Variants in DSCAM observed in about 807,000 individuals in gnomAD.
DSCAM encodes the protein cell adhesion molecule DSCAM.
A neutral mutation model predicts 217.7 loss-of-function variants in DSCAM; 47 were observed. That is an observed-to-expected ratio of 0.22 (90% CI 0.17 to 0.28). The LOEUF is 0.28. Ranked by LOEUF, DSCAM falls within the 10% of genes least tolerant of loss-of-function variation. DSCAM has a pLI of 1.00. For missense variants in DSCAM, 2,080 were observed against 2,618.3 expected (o/e 0.79, Z 4.49); for synonymous variants, 1,056 against 1,015.3 (o/e 1.04, Z -0.76).
intron 3 of DSCAM, among the ~76,000 whole-genome samples, chr21:40,472,015 T>C (rs1405854384): frequency 6.6e-6 from 1 of 152,134 alleles, no homozygotes; most frequent in Non-Finnish European, 1.5e-5. Context: ...CATTGTTCAA[T>C]TCCCACCTAT....
At chr21:40,178,181 C>T (rs2090753612) in intron 15 of DSCAM, among the ~76,000 whole-genome samples, 1 of 152,008 alleles carries the variant, frequency 6.6e-6, no homozygotes, top group South Asian at 2.1e-4. Flanking sequence ...TCTCTGCACA[C>T]CTGTTAATTT....
In DSCAM at chr21:40,295,175, G is replaced by C. The variant is rs71318517; in HGVS notation, c.2182+880C>G. ...AATTAAACCTAGATACTAGGTCTTAGGTTATTGGAAAAAAAAAAAGGTCAT... is the reference window on the plus strand; with the variant it reads ...AATTAAACCTAGATACTAGGTCTTACGTTATTGGAAAAAAAAAAAGGTCAT... On this transcript the variant is annotated intron_variant, in intron 10 of 32. Transcript: ENST00000400454. Among the ~76,000 whole-genome samples the C allele has an allele frequency of 7.3e-5, 11 of 151,640 alleles. No individual in the cohort carries two copies. The East Asian group carries it at 2.0e-3, about 27-fold the overall frequency.
intron 3 of DSCAM, among the ~76,000 whole-genome samples, chr21:40,551,864 G>C (rs8133864): frequency 0.58 from 87,945 of 151,986 alleles, 25,661 homozygotes; most frequent in East Asian, 0.67. Context: ...GATGGCCTCT[G>C]TTCCTGTCAT....
rs2088049303 is a variant in DSCAM at position 40,011,061 on chromosome 21, A to G, written c.*1973T>C. 1 of 152,146 alleles carries G rather than the reference A, an allele frequency of 6.6e-6. No homozygotes were observed. Among genetic ancestry groups the G allele is most frequent in the Non-Finnish European group, 1.5e-5 (1 of 68,022 alleles). The allele number at this position is 152,146 out of a possible 1,614,324, so 9.4% of individuals were successfully genotyped here. ...AAAAATGTTAAAAAGGTAAACTTCT[A>G]TGTTTGGGGGATATAGAAGTTTTAG... On this transcript the variant is annotated 3_prime_UTR_variant, in exon 33 of 33. Coordinates refer to ENST00000400454, the MANE Select transcript of DSCAM (RefSeq NM_001389.5).
intron 3 of DSCAM, among the ~76,000 whole-genome samples, chr21:40,528,543 T>A (rs1161690265): frequency 2.0e-5 from 3 of 152,206 alleles, no homozygotes; most frequent in Admixed American, 2.0e-4. Flanking sequence ...GAGCCAAGAA[T>A]TTCTTCTACT....
intron 3 of DSCAM, among the ~76,000 whole-genome samples, chr21:40,501,918 C>G (rs1199622890): frequency 6.6e-6 from 1 of 152,170 alleles, no homozygotes; most frequent in Non-Finnish European, 1.5e-5. Flanking sequence ...TTCTTTCCGG[C>G]TGCAGTGATT....
intron 24 of DSCAM, among the ~76,000 whole-genome samples, chr21:40,082,193 G>T (rs1222954928): frequency 6.6e-6 from 1 of 152,172 alleles, no homozygotes; most frequent in Non-Finnish European, 1.5e-5. Context: ...AGGTGTGGTG[G>T]CTCAGGACTG....
chr21:40,568,907 G>A (rs1421919366), intron 3 of DSCAM, among the ~76,000 whole-genome samples: 2 of 152,144 alleles, frequency 1.3e-5, no homozygotes, highest in African/African-American at 4.8e-5. Context: ...TCTTCCCTTG[G>A]CAGCAGGGCC....
At chr21:40,548,233 T>C (rs1172338543) in intron 3 of DSCAM, among the ~76,000 whole-genome samples, 2 of 152,228 alleles carry the variant, frequency 1.3e-5, no homozygotes, top group African/African-American at 4.8e-5. Flanking sequence ...GGCGAGTGTA[T>C]TACTATTTAA....
intron 32 of DSCAM, among the ~76,000 whole-genome samples, chr21:40,039,582 A>AGAGT (rs1374652233): frequency 6.6e-6 from 1 of 152,200 alleles, no homozygotes; most frequent in East Asian, 1.9e-4. Flanking sequence ...GTATAGAGAG[A>AGAGT]GAGTTTTAAG....
rs750993445 is a variant in DSCAM, at chr21:40,075,168, C to T, written c.4757G>A (p.Gly1586Glu). Reference sequence around the variant, plus strand: ...CTTGAGCCCCTCGTTGGTCGTCAGCCCTTCTTCGTTTTGGACAACTGACTT... The same window carrying T: ...CTTGAGCCCCTCGTTGGTCGTCAGCTCTTCTTCGTTTTGGACAACTGACTT... ...LIKSVVQNEE[G>E]LTTNEGLKML... is the part of the protein sequence containing the mutation. The change falls in exon 27 of 33, where the codon GGG (glycine) becomes GAG (glutamate). Residue 1586 changes from glycine (G) to glutamate (E), a missense_variant. Coordinates refer to ENST00000400454, the MANE Select transcript of DSCAM (RefSeq NM_001389.5). 1.2e-6 allele frequency: 2 copies of T among 1,614,202 alleles called. No individual in the cohort carries two copies. Among genetic ancestry groups the T allele is most frequent in the East Asian group, 2.2e-5 (1 of 44,882 alleles).
intron 3 of DSCAM, among the ~76,000 whole-genome samples, chr21:40,664,741 C>T (rs752330441): frequency 6.6e-6 from 1 of 152,148 alleles, no homozygotes; most frequent in Non-Finnish European, 1.5e-5. Context: ...GACGAAGAAC[C>T]TATTTTGAGG....
chr21:40,084,935 A>G (rs2089511611), intron 23 of DSCAM, among the ~76,000 whole-genome samples: 1 of 151,696 alleles, frequency 6.6e-6, no homozygotes, highest in Non-Finnish European at 1.5e-5. Flanking sequence ...ACTTGCTGTA[A>G]TCTATTAATG....
At chr21:40,133,677 C>T (rs1275300071) in intron 19 of DSCAM, among the ~76,000 whole-genome samples, 177 bp downstream of exon 19, 1 of 152,060 alleles carries the variant, frequency 6.6e-6, no homozygotes, top group East Asian at 1.9e-4. Flanking sequence ...GGATTAGACA[C>T]ATCAAGCAAA....
chr21:40,341,772 C>G (rs1352578987), intron 6 of DSCAM, among the ~76,000 whole-genome samples: 13 of 152,216 alleles, frequency 8.5e-5, no homozygotes, highest in African/African-American at 2.9e-4. Flanking sequence ...TGGAACAGTA[C>G]TATTATCTAA....
Position 40,294,484 on chromosome 21 carries a change from G to C in DSCAM, c.2182+1571C>G, listed in dbSNP as rs528574645. ...CCCACCCATACTGTTGGTGGCCTAA[G>C]TGCCCTTGGGCAGTACAGAGTAAGA... is the stretch of plus-strand genomic sequence containing the variant. On this transcript the variant is annotated intron_variant, in intron 10 of 32. Transcript: ENST00000400454. Among the ~76,000 whole-genome samples the C allele has an allele frequency of 6.2e-4, 95 of 152,330 alleles. No individual in the cohort carries two copies. The Middle Eastern group carries it at 0.01, about 16-fold the overall frequency.
At chr21:40,292,488 A>G (rs1005914144) in intron 10 of DSCAM, among the ~76,000 whole-genome samples, 14 of 151,314 alleles carry the variant, frequency 9.3e-5, no homozygotes, top group African/African-American at 3.2e-4. Flanking sequence ...TCTCTATCAG[A>G]TTGGAAAATG....
intron 3 of DSCAM, among the ~76,000 whole-genome samples, chr21:40,591,845 T>C (rs1315275202): frequency 6.6e-6 from 1 of 152,220 alleles, no homozygotes; most frequent in Admixed American, 6.5e-5. Flanking sequence ...TTACCAATAA[T>C]ATGTATTAGC....
intron 8 of DSCAM, among the ~76,000 whole-genome samples, chr21:40,322,614 T>C (rs1013308967): frequency 2.6e-5 from 4 of 151,820 alleles, no homozygotes; most frequent in African/African-American, 7.3e-5. Flanking sequence ...AACCTCCGCC[T>C]CCCAGGTTCA....
Sources: gnomAD v4.1 joint callset for allele counts (sites outside exome capture counted in the v4.1 genomes callset) on GRCh38, gnomAD v4.1.1 for gene constraint, MANE v1.5 for transcripts, NCBI Gene and HGNC (gene_info 2026-07-23, HGNC 2026-07-21) for gene names.